The following ULK4 variants were observed in gnomAD, a reference collection of about 807,000 sequenced individuals.
The protein encoded by ULK4 is inactive serine/threonine-protein kinase ULK4.
ULK4 carries 133 observed loss-of-function variants against 160.6 expected under a neutral mutation model. That is an observed-to-expected ratio of 0.83 (90% CI 0.72 to 0.96). The LOEUF (loss-of-function observed/expected upper bound fraction) is 0.96. Among genes scored for constraint, ULK4 ranks in the 40% least tolerant of loss-of-function variants. The pLI is 0.00. For missense variants in ULK4, 1,580 were observed against 1,499.5 expected, an observed-to-expected ratio of 1.05 and a Z score of -0.89; for synonymous variants, 534 against 539.8, an observed-to-expected ratio of 0.99 and a Z score of 0.15.
At chr3:41,378,096 T>C (rs1478701003) in intron 35 of ULK4, among the ~76,000 whole-genome samples, 1 of 150,286 alleles carries the variant, frequency 6.7e-6, no homozygotes, top group South Asian at 2.1e-4. Context: ...AAATTGGAAA[T>C]CATCATTGTC....
At chr3:41,447,238 C>G (rs894246177) in intron 34 of ULK4, among the ~76,000 whole-genome samples, 1 of 152,122 alleles carries the variant, frequency 6.6e-6, no homozygotes, top group Non-Finnish European at 1.5e-5. Flanking sequence ...CGGTCTGTCC[C>G]ATTGCCCTAG....
chr3:41,324,357 C>A (rs1178742814), intron 35 of ULK4, among the ~76,000 whole-genome samples: 4 of 152,160 alleles, frequency 2.6e-5, no homozygotes, highest in Non-Finnish European at 4.4e-5. Flanking sequence ...ATCTTTTATC[C>A]AATTCACTGC....
intron 32 of ULK4, among the ~76,000 whole-genome samples, chr3:41,508,928 C>T (rs1442242725): frequency 6.6e-6 from 1 of 152,010 alleles, no homozygotes; most frequent in Non-Finnish European, 1.5e-5. Context: ...TTAACACCCC[C>T]AAAAGATCAC....
At position 41,393,296 on chromosome 3, in the gene ULK4, C is replaced by T. The variant is rs138679853; in HGVS notation, c.3678+4783G>A. On this transcript the variant is annotated intron_variant, in intron 35 of 36. Coordinates refer to ENST00000301831, the MANE Select transcript of ULK4 (RefSeq NM_017886.4). ...ATTCAATTAAGATGCTGCCAGCAGC[C>T]GTTTGTTTCAGAGACCAGAATTCCT... Among the ~76,000 whole-genome samples, 18 of 152,236 alleles carry T rather than the reference C, an allele frequency of 1.2e-4. No individual in the cohort carries two copies. In the East Asian group the frequency reaches 3.5e-3, roughly 29 times the overall value.
intron 27 of ULK4, among the ~76,000 whole-genome samples, chr3:41,698,443 C>T (rs753710491): frequency 6.6e-6 from 1 of 152,044 alleles, no homozygotes; most frequent in Non-Finnish European, 1.5e-5. Context: ...TTTTTGAGCA[C>T]CAACATGACG....
chr3:41,799,612 A>G (rs1283597647), intron 20 of ULK4, among the ~76,000 whole-genome samples: 1 of 152,164 alleles, frequency 6.6e-6, no homozygotes, highest in Non-Finnish European at 1.5e-5. Flanking sequence ...ACGTAATTCC[A>G]GCACTTTGGG....
chr3:41,859,604 C>T (rs2042449608), intron 17 of ULK4: 1 of 509,296 alleles, frequency 2.0e-6, no homozygotes, highest in Non-Finnish European at 3.9e-6. Context: ...TGGTCACTGC[C>T]TGAGCTGCCA....
chr3:41,366,616 TAC>T (rs2081259687), intron 35 of ULK4, among the ~76,000 whole-genome samples: 1 of 151,622 alleles, frequency 6.6e-6, no homozygotes, highest in Non-Finnish European at 1.5e-5. Flanking sequence ...CACACACACA[TAC>T]ACTTATTGTG....
chr3:41,681,314 A>G (rs1485770088), intron 29 of ULK4, among the ~76,000 whole-genome samples, 194 bp downstream of exon 29: 7 of 152,208 alleles, frequency 4.6e-5, no homozygotes, highest in Non-Finnish European at 1.0e-4. Flanking sequence ...CTCAAAGATG[A>G]ACTGAGACCT....
chr3:41,930,068 C>G (rs1294764969), intron 5 of ULK4, among the ~76,000 whole-genome samples: 1 of 152,258 alleles, frequency 6.6e-6, no homozygotes, highest in Middle Eastern at 3.4e-3. Flanking sequence ...GGAGGCATCG[C>G]ACTACCTAAC....
chr3:41,853,264 G>T (rs141076388), intron 17 of ULK4, among the ~76,000 whole-genome samples: 1 of 152,248 alleles, frequency 6.6e-6, no homozygotes, highest in East Asian at 1.9e-4. Flanking sequence ...TGCTGGTCTA[G>T]GAGCACACTT....
chr3:41,882,217 T>G (rs555528318), intron 17 of ULK4: 26 of 702,904 alleles, frequency 3.7e-5, no homozygotes, highest in Non-Finnish European at 6.0e-5. Flanking sequence ...AGGCACTGTC[T>G]AGGCACTGGA....
chr3:41,905,416 C>A (rs1698518284), intron 12 of ULK4, among the ~76,000 whole-genome samples: 1 of 152,004 alleles, frequency 6.6e-6, no homozygotes, highest in African/African-American at 2.4e-5. Context: ...CTTTTGTGAG[C>A]TGGGAGTAGC....
intron 21 of ULK4, among the ~76,000 whole-genome samples, chr3:41,765,237 G>C (rs1025353437): frequency 6.6e-6 from 1 of 152,168 alleles, no homozygotes; most frequent in African/African-American, 2.4e-5. Context: ...CATAAAAAAT[G>C]ATGAGTTCAT....
At chr3:41,564,113 C>A (rs563588409) in intron 32 of ULK4, among the ~76,000 whole-genome samples, 3 of 152,148 alleles carry the variant, frequency 2.0e-5, no homozygotes, top group African/African-American at 4.8e-5. Context: ...TTCTTACAGT[C>A]AGGTCCCTCA....
intron 13 of ULK4, among the ~76,000 whole-genome samples, chr3:41,900,243 T>G (rs943967656): frequency 1.5e-4 from 23 of 152,286 alleles, no homozygotes; most frequent in Admixed American, 1.2e-3. Flanking sequence ...TCGTCTCCCC[T>G]GCAGTCTTAA....
intron 32 of ULK4, among the ~76,000 whole-genome samples, chr3:41,496,334 G>A (rs2084988334): frequency 6.6e-6 from 1 of 151,928 alleles, no homozygotes; most frequent in Non-Finnish European, 1.5e-5. Context: ...ATTAAGCCTA[G>A]ACAAAATATA....
intron 35 of ULK4, among the ~76,000 whole-genome samples, chr3:41,336,830 C>T (rs1488818192): frequency 2.0e-5 from 3 of 152,138 alleles, no homozygotes; most frequent in Non-Finnish European, 2.9e-5. Flanking sequence ...ATGCACTAAT[C>T]AGGAAGCTGT....
chr3:41,754,388 T>A lies in ULK4; in HGVS notation c.2294A>T (p.Glu765Val), dbSNP rs1218558221. 5.0e-6 allele frequency: 8 copies of A among 1,612,532 alleles called. No individual in the cohort carries two copies. The Admixed American group carries it at 1.2e-4, about 24-fold the overall frequency. The change falls in exon 22 of 37, where the codon GAG becomes GTG. Residue 765 changes from glutamate (E) to valine (V), a missense_variant. Physicochemically the swap from Glu to Val is moderately radical, Grantham distance 121 (BLOSUM62 -2). Transcript: ENST00000301831. ...VLLYILIYNR[E>V]MLLLSCQARL... ...TGCTTGGCAACTGAGCAGCAACATC[T>A]CACGGTTATAAATCAAAATATATAG...
Sources: allele counts gnomAD v4.1 joint callset (sites outside exome capture counted in the v4.1 genomes callset), GRCh38; gene constraint gnomAD v4.1.1; transcripts MANE v1.5; gene names NCBI Gene and HGNC (gene_info 2026-07-23, HGNC 2026-07-21).